ERICH6: variants seen among roughly 807,000 people sequenced by gnomAD.
The protein encoded by ERICH6 is glutamate-rich protein 6.
ERICH6 carries 71 observed loss-of-function variants against 71.0 expected under a neutral mutation model. The ratio of observed to expected loss-of-function variants is 1.00; its 90% CI spans 0.83 to 1.22. The LOEUF is 1.22. Among genes scored for constraint, ERICH6 ranks in the 50% most tolerant of loss-of-function variants. The pLI is 0.00. For missense variants in ERICH6, 808 were observed against 797.2 expected, an observed-to-expected ratio of 1.01 and a Z score of -0.16; for synonymous variants, 262 against 278.4, an observed-to-expected ratio of 0.94 and a Z score of 0.59.
chr3:150,681,335 G>A (rs894227405), intron 7 of ERICH6, among the ~76,000 whole-genome samples: 2 of 152,130 alleles, frequency 1.3e-5, no homozygotes, highest in Non-Finnish European at 2.9e-5. Context: ...TTAGCATAAT[G>A]TTTTCAGGAT....
At chr3:150,665,497 C>T (rs1156292283) in intron 13 of ERICH6, among the ~76,000 whole-genome samples, 25 of 103,852 alleles carry the variant, frequency 2.4e-4, no homozygotes, top group Admixed American at 4.5e-4. Flanking sequence ...AGCCTGGCGA[C>T]GGAGAGAGAC....
At chr3:150,700,027 G>T (rs957851939) in intron 2 of ERICH6, among the ~76,000 whole-genome samples, 1 of 152,040 alleles carries the variant, frequency 6.6e-6, no homozygotes, top group Non-Finnish European at 1.5e-5. Context: ...GACTGGTGAG[G>T]CAGTATTGGC....
chr3:150,703,736 C>T lies in ERICH6; in HGVS notation c.163G>A (p.Val55Met), dbSNP rs372003402. Residue 55 changes from valine (V) to methionine (M), a missense_variant, in exon 1 of 14, where the codon GTG becomes ATG. Physicochemically the swap from Val to Met is conservative, Grantham distance 21 (BLOSUM62 1). Coordinates refer to ENST00000295910, the MANE Select transcript of ERICH6 (RefSeq NM_152394.5). ...TCCCCCACCAACTCCTCCTCCACCACCTCCTCCTCCTCCTCCTCCACCTCT... is the reference window on the plus strand; with the variant it reads ...TCCCCCACCAACTCCTCCTCCACCATCTCCTCCTCCTCCTCCTCCACCTCT... ...EEEVEEEEEE[V>M]VEEELVGEEQ... The T allele has an allele frequency of 4.2e-5, 65 of 1,536,964 alleles. 1 individual carries two copies. The highest frequency in any genetic ancestry group is 5.5e-5 in the Non-Finnish European group (63 of 1,145,638).
chr3:150,674,402 C>T (rs75812914), intron 10 of ERICH6, among the ~76,000 whole-genome samples: 6,060 of 152,170 alleles, frequency 0.04, 422 homozygotes, highest in African/African-American at 0.14. Flanking sequence ...TTCATGCATG[C>T]ATGAGTCTGT....
At chr3:150,693,789 T>C (rs1348669687) in intron 3 of ERICH6, among the ~76,000 whole-genome samples, 1 of 152,210 alleles carries the variant, frequency 6.6e-6, no homozygotes. Flanking sequence ...GACTAATGTT[T>C]TTCAATTTTT....
intron 1 of ERICH6, among the ~76,000 whole-genome samples, chr3:150,702,978 G>A (rs1434900185): frequency 2.1e-5 from 2 of 96,818 alleles, no homozygotes; most frequent in African/African-American, 3.9e-5. Context: ...GGGAGGAAGA[G>A]GGAGGGGAGG....
intron 3 of ERICH6, 89 bp downstream of exon 3, chr3:150,698,702 A>T: frequency 9.1e-7 from 1 of 1,100,206 alleles, no homozygotes; most frequent in Non-Finnish European, 1.4e-6. Context: ...GCTGGGATTC[A>T]AATCTAGCTG....
At chr3:150,662,977 A>G (rs1351352964) in intron 13 of ERICH6, among the ~76,000 whole-genome samples, 2 of 152,160 alleles carry the variant, frequency 1.3e-5, no homozygotes, top group Non-Finnish European at 2.9e-5. Context: ...GAACAGAATG[A>G]GTGAGATAAG....
In ERICH6 at chr3:150,702,104, T is replaced by G; in HGVS notation, c.461+17A>C. On this transcript the variant is annotated intron_variant, in intron 2 of 13. Coordinates refer to ENST00000295910, the MANE Select transcript of ERICH6 (RefSeq NM_152394.5). ...TATTGGGTTCAAAAAATGTGAAATT[T>G]GAAAACATTTTCTTACCTATCTATA... The G allele has an allele frequency of 2.6e-6, 4 of 1,510,834 alleles. No homozygotes were observed. Among genetic ancestry groups the G allele is most frequent in the Non-Finnish European group, 3.6e-6 (4 of 1,101,166 alleles). 93.6% of individuals were successfully genotyped at this position (1,510,834 alleles called of 1,614,324 possible). A position where few individuals can be genotyped will look rare whatever the true frequency, so the allele number is the denominator to read the frequency against.
Position 150,669,323 on chromosome 3 carries a change from G to C in ERICH6, c.1472C>G (p.Ser491Cys). The C allele has an allele frequency of 1.9e-6, 3 of 1,611,158 alleles. No homozygotes were observed. Among genetic ancestry groups the C allele is most frequent in the Non-Finnish European group, 2.5e-6 (3 of 1,178,942 alleles). ...GACATTTCCATTGGGATGATAGCAG[G>C]AACTTCTGCCAGAGGAATCCAGCAC... ...LAVLDSSGRSSCYHPNGNVWV... is the reference protein window; with the variant it reads ...LAVLDSSGRSCCYHPNGNVWV... Residue 491 changes from serine to cysteine, a missense_variant, in exon 12 of 14, where the codon TCC becomes TGC. Physicochemically the swap from Ser to Cys is moderately radical, Grantham distance 112. This residue lies in a region of ERICH6 where 736 missense variants were observed against 712.2 expected (regional missense o/e 1.03). Coordinates refer to ENST00000295910, the MANE Select transcript of ERICH6 (RefSeq NM_152394.5).
In ERICH6 at chr3:150,683,417, C is replaced by G. The variant is rs1236232075; in HGVS notation, c.784-1101G>C. ...GGGACTTGGTTGTGAACTTCTCAGC[C>G]CGTTGTCCTTTCACCCTCAGCTAGG... On this transcript the variant is annotated intron_variant, in intron 6 of 13. Coordinates refer to ENST00000295910, the MANE Select transcript of ERICH6 (RefSeq NM_152394.5). Among the ~76,000 whole-genome samples the G allele has an allele frequency of 2.0e-5, 3 of 152,070 alleles. No individual in the cohort carries two copies. The East Asian group carries it at 5.8e-4, about 29-fold the overall frequency.
chr3:150,665,515 C>CAAAAA (rs59227415), intron 13 of ERICH6, among the ~76,000 whole-genome samples: 20,451 of 63,142 alleles, frequency 0.32, 4,651 homozygotes, highest in East Asian at 0.4. Flanking sequence ...GACTCCATCT[C>CAAAAA]AAAAAAAAAA....
intron 11 of ERICH6, among the ~76,000 whole-genome samples, chr3:150,670,564 G>A (rs937835502): frequency 6.6e-6 from 1 of 151,756 alleles, no homozygotes; most frequent in South Asian, 2.1e-4. Context: ...GATTGGAAAG[G>A]GAAGTAAAAC....
At chr3:150,694,098 G>A (rs1017683826) in intron 3 of ERICH6, among the ~76,000 whole-genome samples, 7 of 152,126 alleles carry the variant, frequency 4.6e-5, no homozygotes, top group Non-Finnish European at 2.9e-5. Context: ...GTTTGCTGTT[G>A]TTTTTCTCCC....
intron 3 of ERICH6, among the ~76,000 whole-genome samples, chr3:150,688,406 T>C (rs1157135797): frequency 6.6e-6 from 1 of 152,196 alleles, no homozygotes; most frequent in Non-Finnish European, 1.5e-5. Context: ...TATGACGAAA[T>C]ATTATGCAGT....
chr3:150,680,939 C>T lies in ERICH6; in HGVS notation c.883-9G>A. 1 of 1,602,478 alleles carries T rather than the reference C, an allele frequency of 6.2e-7. No individual in the cohort carries two copies. Among genetic ancestry groups the T allele is most frequent in the Middle Eastern group, 1.7e-4 (1 of 5,942 alleles). ...GCAATACAACAGGAGGCCTGGAAAA[C>T]ACAGAAGTTACTCTCATCTCATTAG... On this transcript the variant is annotated splice_polypyrimidine_tract_variant and intron_variant, in intron 7 of 13. Transcript: ENST00000295910.
At chr3:150,676,106 C>T (rs1056788736) in intron 10 of ERICH6, among the ~76,000 whole-genome samples, 1 of 151,908 alleles carries the variant, frequency 6.6e-6, no homozygotes, top group African/African-American at 2.4e-5. Context: ...TTGTTCCATA[C>T]ACTCTCTCTT....
intron 6 of ERICH6, among the ~76,000 whole-genome samples, chr3:150,683,863 C>A (rs115838991): frequency 1.1e-3 from 164 of 152,298 alleles, no homozygotes; most frequent in African/African-American, 3.8e-3. Context: ...CCAGCCACTG[C>A]TACCCCTGAA....
intron 10 of ERICH6, among the ~76,000 whole-genome samples, chr3:150,678,128 T>A (rs1056240314): frequency 6.6e-6 from 1 of 152,202 alleles, no homozygotes; most frequent in African/African-American, 2.4e-5. Context: ...TTGGGAGAAG[T>A]GATTGGGACT....
Sources: gnomAD v4.1 joint callset for allele counts (sites outside exome capture counted in the v4.1 genomes callset) on GRCh38, gnomAD v4.1.1 for gene constraint, gnomAD v4.1.1 regional missense constraint, MANE v1.5 for transcripts, NCBI Gene and HGNC (gene_info 2026-07-23, HGNC 2026-07-21) for gene names.